TTC23: variants seen among roughly 807,000 people sequenced by gnomAD.
TTC23 encodes tetratricopeptide repeat domain 23, also known as tetratricopeptide repeat protein 23.
TTC23 carries 58 observed loss-of-function variants against 55.1 expected under a neutral mutation model. That is an observed-to-expected ratio of 1.05 (90% confidence interval 0.85 to 1.31). TTC23 has a LOEUF of 1.31. Among genes scored for constraint, TTC23 ranks in the 50% most tolerant of loss-of-function variants. TTC23 has a pLI of 0.00. For missense variants in TTC23, 516 were observed against 534.4 expected (o/e 0.97, Z 0.34); for synonymous variants, 203 against 199.9 (o/e 1.02, Z -0.13).
At chr15:99,249,913 GGGA>G (rs1232384857), upstream of TTC23, 2 of 152,034 alleles carry the variant, frequency 1.3e-5, no homozygotes, top group Non-Finnish European at 2.9e-5. Flanking sequence ...TGTCAATGTG[GGGA>G]GGAGGTGAAG....
chr15:99,197,347 C>T (rs1484450777), intron 9 of TTC23, among the ~76,000 whole-genome samples: 1 of 152,100 alleles, frequency 6.6e-6, no homozygotes, highest in Non-Finnish European at 1.5e-5. Flanking sequence ...TGTGATCCAC[C>T]CTCCTTGGCC....
intron 10 of TTC23, among the ~76,000 whole-genome samples, chr15:99,164,307 T>G (rs2071760736): frequency 6.6e-6 from 1 of 152,220 alleles, no homozygotes; most frequent in Admixed American, 6.5e-5. Context: ...TGAATGAGCA[T>G]AACCATGTTC....
chr15:99,176,654 T>C (rs947258311), intron 9 of TTC23, among the ~76,000 whole-genome samples: 6 of 152,084 alleles, frequency 3.9e-5, no homozygotes, highest in African/African-American at 1.2e-4. Context: ...AAACACTAGA[T>C]TGGGATAGGC....
intron 8 of TTC23, among the ~76,000 whole-genome samples, chr15:99,203,694 T>C (rs2076377995): frequency 6.6e-6 from 1 of 151,986 alleles, no homozygotes; most frequent in African/African-American, 2.4e-5. Flanking sequence ...AATTTTTCTT[T>C]TTTTTCTTTC....
At chr15:99,193,021 A>G (rs867030516) in intron 9 of TTC23, among the ~76,000 whole-genome samples, 2 of 152,202 alleles carry the variant, frequency 1.3e-5, no homozygotes, top group African/African-American at 4.8e-5. Context: ...TAGGGTTTGT[A>G]GCCCCTTTGT....
At chr15:99,163,663 G>C (rs1480827060) in intron 10 of TTC23, among the ~76,000 whole-genome samples, 2 of 152,232 alleles carry the variant, frequency 1.3e-5, no homozygotes, top group African/African-American at 4.8e-5. Context: ...GGTGATGATA[G>C]TCAGAGGCAG....
At chr15:99,187,152 C>A (rs948531767) in intron 9 of TTC23, among the ~76,000 whole-genome samples, 2 of 151,782 alleles carry the variant, frequency 1.3e-5, no homozygotes, top group Non-Finnish European at 2.9e-5. Flanking sequence ...TAGAAATAAA[C>A]CCTTATATTT....
chr15:99,175,709 T>C (rs558649804), intron 9 of TTC23, among the ~76,000 whole-genome samples: 32 of 152,240 alleles, frequency 2.1e-4, no homozygotes, highest in Non-Finnish European at 4.3e-4. Flanking sequence ...ACTAAAATGT[T>C]GTTGCCCAGG....
At chr15:99,145,784 A>G (rs2068786419) in intron 12 of TTC23, among the ~76,000 whole-genome samples, 1 of 152,044 alleles carries the variant, frequency 6.6e-6, no homozygotes, top group Non-Finnish European at 1.5e-5. Context: ...GGACTGAGGC[A>G]CTGGTGGGTG....
intron 8 of TTC23, among the ~76,000 whole-genome samples, chr15:99,202,097 G>C (rs553500616): frequency 1.4e-4 from 22 of 152,102 alleles, no homozygotes; most frequent in Non-Finnish European, 3.1e-4. Context: ...GAGTTCATTG[G>C]TTGCCACAGA....
rs565174983 is a variant in TTC23, at chr15:99,218,963, T to C, written c.390A>G (p.Thr130=). ...NSIVPPYSEN[T]DVFKFSIELF... ...GCTCAATGGAAAACTTGAAAACATC[T>C]GTATTCTCACTATAGGGAGGCACAA... Residue 130 remains threonine, a synonymous_variant, in exon 7 of 14, where the codon ACA becomes ACG. Transcript: ENST00000394132. The C allele has an allele frequency of 6.2e-7, 1 of 1,614,240 alleles. No homozygotes were observed. The highest frequency in any genetic ancestry group is 1.1e-5 in the South Asian group (1 of 91,088).
At chr15:99,224,450 T>C (rs2078216426) in intron 5 of TTC23, among the ~76,000 whole-genome samples, 1 of 152,266 alleles carries the variant, frequency 6.6e-6, no homozygotes, top group African/African-American at 2.4e-5. Flanking sequence ...GAATAACTTC[T>C]CATGTCATCT....
chr15:99,244,906 A>G (rs1054386983), intron 2 of TTC23, among the ~76,000 whole-genome samples: 2 of 152,234 alleles, frequency 1.3e-5, no homozygotes, highest in African/African-American at 4.8e-5. Context: ...AAAGTAATCA[A>G]AAGTGTTGTA....
rs185185914 is a variant in TTC23 at position 99,245,849 on chromosome 15, C to A, written c.-430-339G>T. On this transcript the variant is annotated intron_variant, in intron 1 of 13. Transcript: ENST00000394132. ...TTTTTTTTTTTTTGAGACAGACTCT[C>A]GCTGGAGTGCAGTGGCGTGATCTCG... Among the ~76,000 whole-genome samples the A allele has an allele frequency of 2.6e-3, 369 of 142,730 alleles. 2 individuals are homozygous for A. Among genetic ancestry groups the A allele is most frequent in the Non-Finnish European group, 4.0e-3 (267 of 66,496 alleles). The allele number at this position is 142,730 out of a possible 152,430, so 93.6% of individuals were successfully genotyped here. A position where few individuals can be genotyped will look rare whatever the true frequency, so the allele number is the denominator to read the frequency against.
At chr15:99,164,160 C>CT (rs964767324) in intron 10 of TTC23, among the ~76,000 whole-genome samples, 1 of 152,188 alleles carries the variant, frequency 6.6e-6, no homozygotes, top group African/African-American at 2.4e-5. Context: ...TCACAGGGCT[C>CT]TAGCACAGGG....
chr15:99,199,931 G>C lies in TTC23; in HGVS notation c.747C>G (p.Asn249Lys). 1 of 1,611,534 alleles carries C rather than the reference G, an allele frequency of 6.2e-7. No homozygotes were observed. Among genetic ancestry groups the C allele is most frequent in the Non-Finnish European group, 8.5e-7 (1 of 1,178,832 alleles). Residue 249 changes from asparagine (N) to lysine (K), a missense_variant, in exon 9 of 14, where the codon AAC becomes AAG. Transcript: ENST00000394132. ...CCTTGTAGCTTACCTGGAGGAAGTG[G>C]TTGATGGATACATCGTGGAGTCCCA... ...QALGLHDVSI[N>K]HFLQAHLIIL...
chr15:99,218,945 G>A lies in TTC23; in HGVS notation c.408C>T (p.Ser136=), dbSNP rs767803690. The change falls in exon 7 of 14, where the codon TCC becomes TCT. Residue 136 remains serine (S), a synonymous_variant. Transcript: ENST00000394132. Reference sequence around the variant, plus strand: ...TGCCCATGGTATGGAAAAGCTCAATGGAAAACTTGAAAACATCTGTATTCT... The same window carrying A: ...TGCCCATGGTATGGAAAAGCTCAATAGAAAACTTGAAAACATCTGTATTCT... ...YSENTDVFKF[S]IELFHTMGRA... is the part of the protein sequence containing the mutation. 1 of 1,614,046 alleles carries A rather than the reference G, an allele frequency of 6.2e-7. No individual in the cohort carries two copies. Among genetic ancestry groups the A allele is most frequent in the Non-Finnish European group, 8.5e-7 (1 of 1,180,008 alleles).
chr15:99,211,401 A>G (rs2152025889), intron 8 of TTC23, among the ~76,000 whole-genome samples: 1 of 152,176 alleles, frequency 6.6e-6, no homozygotes, highest in Non-Finnish European at 1.5e-5. Context: ...AAAAAAGAAG[A>G]AGTAAGTATA....
Position 99,166,493 on chromosome 15 carries a change from C to T in TTC23, c.866-4626G>A, listed in dbSNP as rs749935764. 2.5e-4 allele frequency among the ~76,000 whole-genome samples: 38 copies of T among 152,100 alleles called. 2 individuals carry two copies. Among genetic ancestry groups the T allele is most frequent in the Non-Finnish European group, 7.3e-5 (5 of 68,030 alleles). On this transcript the variant is annotated intron_variant, in intron 10 of 13. Coordinates refer to ENST00000394132, the MANE Select transcript of TTC23 (RefSeq NM_001288615.3). ...TCCAAAGAGGATGCTTGTCAGTGTA[C>T]GTGGACCTCCGGAAGAGGGAACGGG...
Sources: gnomAD v4.1 joint callset for allele counts (sites outside exome capture counted in the v4.1 genomes callset) on GRCh38, gnomAD v4.1.1 for gene constraint, MANE v1.5 for transcripts, NCBI Gene and HGNC (gene_info 2026-07-23, HGNC 2026-07-21) for gene names.